The following SPATA17 variants were observed in gnomAD, a reference collection of about 807,000 sequenced individuals.
SPATA17 encodes the protein spermatogenesis-associated protein 17.
A neutral mutation model predicts 62.2 loss-of-function variants in SPATA17; 53 were observed. The observed-to-expected ratio is 0.85, with a 90% CI of 0.68 to 1.07. The LOEUF (loss-of-function observed/expected upper bound fraction) is 1.07. SPATA17 is among the 50% of genes least tolerant of loss of function. The probability of loss-of-function intolerance (pLI) is 0.00; values close to 1 mark genes in which losing one functional copy is unlikely to be tolerated. For missense variants in SPATA17, 466 were observed against 425.5 expected, an observed-to-expected ratio of 1.10 and a Z score of -0.84; for synonymous variants, 146 against 146.8, an observed-to-expected ratio of 0.99 and a Z score of 0.04.
At chr1:217,647,840 C>T (rs953029176) in intron 1 of SPATA17, among the ~76,000 whole-genome samples, 10 of 152,056 alleles carry the variant, frequency 6.6e-5, no homozygotes, top group East Asian at 1.9e-4. Flanking sequence ...TCTTCTGTCT[C>T]GGCCCCCGAG....
At chr1:217,795,733 C>T (rs1674120035) in intron 8 of SPATA17, among the ~76,000 whole-genome samples, 1 of 152,022 alleles carries the variant, frequency 6.6e-6, no homozygotes, top group South Asian at 2.1e-4. Context: ...TCATCTCATC[C>T]CCAGACCATA....
At chr1:217,767,742 C>A (rs1241103010) in intron 6 of SPATA17, among the ~76,000 whole-genome samples, 2 of 152,174 alleles carry the variant, frequency 1.3e-5, no homozygotes, top group African/African-American at 4.8e-5. Context: ...ATCTTCCTTG[C>A]ATGCTGTGTA....
chr1:217,726,060 C>A (rs1259997291), intron 5 of SPATA17, among the ~76,000 whole-genome samples: 2 of 151,872 alleles, frequency 1.3e-5, no homozygotes, highest in Admixed American at 6.6e-5. Context: ...TAATGTTATA[C>A]CTTACCAAAA....
At position 217,646,030 on chromosome 1, in the gene SPATA17, A is replaced by G. The variant is rs558101258; in HGVS notation, c.69-2852A>G. Among the ~76,000 whole-genome samples, 14 of 152,192 alleles carry G rather than the reference A, an allele frequency of 9.2e-5. No individual in the cohort carries two copies. The South Asian group carries it at 2.9e-3, about 32-fold the overall frequency. On this transcript the variant is annotated intron_variant, in intron 1 of 10. Transcript: ENST00000366933. ...CTGTAAATCTTTACAGAGATTATCA[A>G]ACTTTGGAGATATGTGTTTCCATGG... is the stretch of plus-strand genomic sequence containing the variant.
chr1:217,658,588 C>T (rs1232992074), intron 3 of SPATA17, among the ~76,000 whole-genome samples: 1 of 152,014 alleles, frequency 6.6e-6, no homozygotes, highest in Non-Finnish European at 1.5e-5. Context: ...GATAGCCCGT[C>T]TCTACTAAGA....
intron 9 of SPATA17, among the ~76,000 whole-genome samples, chr1:217,824,574 T>C (rs1048504441): frequency 3.3e-5 from 5 of 151,180 alleles, no homozygotes; most frequent in Admixed American, 6.6e-5. Context: ...TATACTGTTA[T>C]TGTATATGTT....
chr1:217,863,929 T>TAGAG (rs1675948980), intron 10 of SPATA17, among the ~76,000 whole-genome samples: 1 of 152,166 alleles, frequency 6.6e-6, no homozygotes, highest in Non-Finnish European at 1.5e-5. Context: ...ACTAGGCTGT[T>TAGAG]AGAGCACAGG....
chr1:217,693,109 T>G (rs1268341684), intron 5 of SPATA17, among the ~76,000 whole-genome samples: 3 of 145,876 alleles, frequency 2.1e-5, no homozygotes, highest in African/African-American at 5.1e-5. Flanking sequence ...CGGCTGTGAA[T>G]CCATCTGGTC....
rs145854094 is a variant in SPATA17 at position 217,727,268 on chromosome 1, T to C, written c.396-14707T>C. ...GTCTCAATAATAATAATAATAATAA[T>C]AATAATAATAATAATAATAACAACA... On this transcript the variant is annotated intron_variant, in intron 5 of 10. Transcript: ENST00000366933. Among the ~76,000 whole-genome samples the C allele has an allele frequency of 9.5e-3, 1,414 of 148,572 alleles. 20 individuals are homozygous for C. The highest frequency in any genetic ancestry group is 0.033 in the African/African-American group (1,331 of 40,706).
chr1:217,771,736 CAT>C (rs1453140481), intron 6 of SPATA17, among the ~76,000 whole-genome samples: 6 of 152,122 alleles, frequency 3.9e-5, no homozygotes, highest in African/African-American at 1.4e-4. Flanking sequence ...AGAGAATACA[CAT>C]GAGGAGGTCT....
At chr1:217,743,249 T>C (rs1013214984) in intron 6 of SPATA17, among the ~76,000 whole-genome samples, 1 of 152,042 alleles carries the variant, frequency 6.6e-6, no homozygotes, top group South Asian at 2.1e-4. Flanking sequence ...AAGATACTTT[T>C]AAAAATTAAA....
At chr1:217,773,162 C>T (rs1454626860) in intron 6 of SPATA17, among the ~76,000 whole-genome samples, 1 of 152,138 alleles carries the variant, frequency 6.6e-6, no homozygotes, top group Admixed American at 6.6e-5. Flanking sequence ...TGGAAATTTA[C>T]ACTTTTCTTA....
At chr1:217,682,731 A>G (rs1315412075) in intron 4 of SPATA17, among the ~76,000 whole-genome samples, 2 of 152,180 alleles carry the variant, frequency 1.3e-5, no homozygotes, top group South Asian at 2.1e-4. Flanking sequence ...TGCCTGGCAC[A>G]TAAGAACTCA....
intron 9 of SPATA17, among the ~76,000 whole-genome samples, chr1:217,806,378 C>T (rs951587486): frequency 1.3e-5 from 2 of 152,122 alleles, no homozygotes; most frequent in Non-Finnish European, 2.9e-5. Context: ...GAGGCGGCCC[C>T]ACTCTTTGAA....
At chr1:217,714,874 G>A (rs1225646924) in intron 5 of SPATA17, among the ~76,000 whole-genome samples, 1 of 152,138 alleles carries the variant, frequency 6.6e-6, no homozygotes, top group Admixed American at 6.5e-5. Flanking sequence ...CAGGACATAG[G>A]TAGAAAGGAT....
At chr1:217,829,797 T>C (rs1675090685) in intron 9 of SPATA17, among the ~76,000 whole-genome samples, 4 of 151,772 alleles carry the variant, frequency 2.6e-5, no homozygotes, top group Admixed American at 2.6e-4. Context: ...TATATTTATA[T>C]ATAGGTCAAA....
chr1:217,696,376 G>A (rs909583274), intron 5 of SPATA17, among the ~76,000 whole-genome samples: 20 of 152,124 alleles, frequency 1.3e-4, no homozygotes, highest in African/African-American at 2.9e-4. Flanking sequence ...GCACCCACTG[G>A]CCTGCGCCCA....
rs538543530 is a variant in SPATA17, at chr1:217,831,810, C to A, written c.1005+29960C>A. ...CATTTATTATGGCAGTAATGAAGAA[C>A]AATTAGCATTTACCATATACTTGTT... On this transcript the variant is annotated intron_variant, in intron 9 of 10. Transcript: ENST00000366933. 7.2e-4 allele frequency among the ~76,000 whole-genome samples: 109 copies of A among 152,210 alleles called. 1 individual carries two copies. Among genetic ancestry groups the A allele is most frequent in the African/African-American group, 2.5e-3 (102 of 41,560 alleles).
rs1335839635 is a variant in SPATA17, at chr1:217,770,986, T to A, written c.520-3348T>A. On this transcript the variant is annotated intron_variant, in intron 6 of 10. Coordinates refer to ENST00000366933, the MANE Select transcript of SPATA17 (RefSeq NM_138796.4). Reference sequence around the variant, plus strand: ...ATTATATAACTCATTGCATTTTTTTTTTTTTTTTTTTTTTTTTTTTTTGCC... The same window carrying A: ...ATTATATAACTCATTGCATTTTTTTATTTTTTTTTTTTTTTTTTTTTTGCC... 4.4e-5 allele frequency among the ~76,000 whole-genome samples: 5 copies of A among 114,210 alleles called. 1 individual carries two copies. Among genetic ancestry groups the A allele is most frequent in the Non-Finnish European group, 6.9e-5 (4 of 57,900 alleles). The allele number at this position is 114,210 out of a possible 152,430, so 74.9% of individuals were successfully genotyped here.
Sources: gnomAD v4.1 joint callset for allele counts (sites outside exome capture counted in the v4.1 genomes callset) on GRCh38, gnomAD v4.1.1 for gene constraint, MANE v1.5 for transcripts, NCBI Gene and HGNC (gene_info 2026-07-23, HGNC 2026-07-21) for gene names.